SAV1: variants seen among roughly 807,000 people sequenced by gnomAD.
SAV1 encodes protein salvador homolog 1.
In SAV1, 23 loss-of-function variants were observed where a neutral mutation model predicts 47.3. The observed-to-expected ratio is 0.49, with a 90% CI of 0.35 to 0.69. The LOEUF is 0.69. SAV1 is among the 30% of genes least tolerant of loss of function. The probability of loss-of-function intolerance (pLI) is 0.01; values close to 1 mark genes in which losing one functional copy is unlikely to be tolerated. For synonymous variants in SAV1, 155 were observed against 159.2 expected (o/e 0.97, Z 0.20); for missense variants, 448 against 457.4 (o/e 0.98, Z 0.19).
At chr14:50,642,522 C>T (rs1353266344) in intron 3 of SAV1, among the ~76,000 whole-genome samples, 2 of 151,504 alleles carry the variant, frequency 1.3e-5, no homozygotes, top group East Asian at 3.9e-4. Context: ...GAAAAACTAC[C>T]TATCAGACAC....
chr14:50,644,270 G>C (rs930268840), intron 3 of SAV1, among the ~76,000 whole-genome samples: 1 of 152,184 alleles, frequency 6.6e-6, no homozygotes, highest in African/African-American at 2.4e-5. Flanking sequence ...ACAGAAATGG[G>C]ATGTTTTGTT....
intron 4 of SAV1, chr14:50,637,664 GTTTTTTTTTTT>G (rs373647297): frequency 1.7e-5 from 1 of 58,264 alleles, no homozygotes; most frequent in African/African-American, 4.3e-5. Context: ...AATTTTGTCA[GTTTTTTTTTTT>G]TTTTTTTTTT....
At chr14:50,635,950 G>A (rs1438614467) in intron 4 of SAV1, among the ~76,000 whole-genome samples, 2 of 151,958 alleles carry the variant, frequency 1.3e-5, no homozygotes, top group Non-Finnish European at 2.9e-5. Flanking sequence ...CTCGTTATTC[G>A]CCCACCTCAG....
chr14:50,667,124 C>G (rs1332425291), intron 1 of SAV1, among the ~76,000 whole-genome samples: 2 of 151,476 alleles, frequency 1.3e-5, no homozygotes, highest in African/African-American at 4.9e-5. Context: ...TCAAGAGATT[C>G]AACTCAAAAA....
Position 50,640,906 on chromosome 14 carries a change from G to A in SAV1, c.807-13C>T. The stretch of plus-strand genomic sequence containing the variant: ...ATACCGAGGTACACTAAGAAGAAAG[G>A]AGTGACATTCTTTAGGATAAAGGTC... On this transcript the variant is annotated splice_polypyrimidine_tract_variant and intron_variant, in intron 3 of 4. Transcript: ENST00000324679. 1.3e-6 allele frequency: 2 copies of A among 1,589,166 alleles called. No homozygotes were observed. Among genetic ancestry groups the A allele is most frequent in the African/African-American group, 1.3e-5 (1 of 74,198 alleles).
chr14:50,653,841 C>A lies in SAV1; in HGVS notation c.536-8827G>T, dbSNP rs150607910. Among the ~76,000 whole-genome samples the A allele has an allele frequency of 5.2e-3, 794 of 151,622 alleles. 1 individual carries two copies. Among genetic ancestry groups the A allele is most frequent in the Non-Finnish European group, 8.0e-3 (541 of 67,962 alleles). On this transcript the variant is annotated intron_variant, in intron 2 of 4. Coordinates refer to ENST00000324679, the MANE Select transcript of SAV1 (RefSeq NM_021818.4). Reference sequence around the variant, plus strand: ...CCGAGATCATGCCACTGCACTCCAACCTGGCAACAGAGTGAGACTCCATCT... The same window carrying A: ...CCGAGATCATGCCACTGCACTCCAAACTGGCAACAGAGTGAGACTCCATCT...
chr14:50,640,713 C>A, intron 4 of SAV1, 37 bp downstream of exon 4: 1 of 1,582,660 alleles, frequency 6.3e-7, no homozygotes, highest in Admixed American at 1.7e-5. Context: ...GCCCTTCACT[C>A]ACTCCTCAAA....
At chr14:50,662,290 T>G (rs1255355886) in intron 2 of SAV1, among the ~76,000 whole-genome samples, 2 of 152,180 alleles carry the variant, frequency 1.3e-5, no homozygotes, top group Non-Finnish European at 2.9e-5. Flanking sequence ...TGCCTCAGCC[T>G]CCCAAGTAGC....
chr14:50,660,361 C>T (rs957476397), intron 2 of SAV1, among the ~76,000 whole-genome samples: 4 of 152,216 alleles, frequency 2.6e-5, no homozygotes, highest in Admixed American at 2.0e-4. Context: ...TTCCCATCCT[C>T]CTTACTCAGC....
chr14:50,667,481 T>G (rs1395327787), intron 1 of SAV1: 4 of 458,774 alleles, frequency 8.7e-6, no homozygotes, highest in Admixed American at 7.0e-5. Flanking sequence ...TTTGCAAACA[T>G]GACGCACATC....
intron 2 of SAV1, among the ~76,000 whole-genome samples, chr14:50,656,068 CA>C (rs1433750236): frequency 6.6e-6 from 1 of 152,078 alleles, no homozygotes; most frequent in East Asian, 1.9e-4. Flanking sequence ...AAAAACTATA[CA>C]GGTTTAGAGC....
rs749473498 is a variant in SAV1 at position 50,634,830 on chromosome 14, CTTTT to C, written c.*349_*352del. 1 of 163,944 alleles carries C rather than the reference CTTTT, an allele frequency of 6.1e-6. No homozygotes were observed. Among genetic ancestry groups the C allele is most frequent in the African/African-American group, 2.5e-5 (1 of 39,962 alleles). The allele number at this position is 163,944 out of a possible 1,614,324, so 10.2% of individuals were successfully genotyped here. On this transcript the variant is annotated 3_prime_UTR_variant, in exon 5 of 5. Transcript: ENST00000324679. ...TTTTTTTAAAAAAATACCGCAGATT[CTTTT>C]TTTTTTTTAAAGAAGGTACTACTGC...
At chr14:50,658,211 C>T (rs2039829217) in intron 2 of SAV1, among the ~76,000 whole-genome samples, 1 of 152,216 alleles carries the variant, frequency 6.6e-6, no homozygotes, top group African/African-American at 2.4e-5. Flanking sequence ...CGAGTAACTG[C>T]AAATCCAGTA....
At chr14:50,665,012 T>G (rs1595654592) in intron 2 of SAV1, 167 bp downstream of exon 2, 2 of 826,520 alleles carry the variant, frequency 2.4e-6, no homozygotes, top group East Asian at 5.8e-5. Flanking sequence ...TTCCATTCAG[T>G]GTAGATTAAC....
intron 2 of SAV1, among the ~76,000 whole-genome samples, chr14:50,645,920 A>G (rs77486186): frequency 6.6e-6 from 1 of 152,214 alleles, no homozygotes; most frequent in Non-Finnish European, 1.5e-5. Flanking sequence ...ATAATTTATA[A>G]TAGCTCCAAA....
rs976945918 is a variant in SAV1 at position 50,634,057 on chromosome 14, G to T, written c.*1126C>A. On this transcript the variant is annotated 3_prime_UTR_variant, in exon 5 of 5. Transcript: ENST00000324679. ...GATTTAATGACCAAAAATTTTTTTTGAATCCCTGGTTGTCATTTTTGGTAG... is the reference window on the plus strand; with the variant it reads ...GATTTAATGACCAAAAATTTTTTTTTAATCCCTGGTTGTCATTTTTGGTAG... 3.5e-6 allele frequency: 1 copy of T among 282,638 alleles called. No homozygotes were observed. The highest frequency in any genetic ancestry group is 7.5e-6 in the Non-Finnish European group (1 of 133,392). 17.5% of individuals were successfully genotyped at this position (282,638 alleles called of 1,614,324 possible). A position where few individuals can be genotyped will look rare whatever the true frequency, so the allele number is the denominator to read the frequency against.
At chr14:50,639,771 ACT>A (rs1170489261) in intron 4 of SAV1, among the ~76,000 whole-genome samples, 1 of 152,140 alleles carries the variant, frequency 6.6e-6, no homozygotes, top group East Asian at 1.9e-4. Flanking sequence ...AGAAAGAATA[ACT>A]CTCCTCAACC....
intron 2 of SAV1, among the ~76,000 whole-genome samples, chr14:50,647,588 A>G (rs976847502): frequency 2.0e-5 from 3 of 152,206 alleles, no homozygotes; most frequent in Non-Finnish European, 2.9e-5. Flanking sequence ...ACAGAAGAAG[A>G]AAACAAAACG....
chr14:50,662,745 C>T (rs1486691740), intron 2 of SAV1: 1 of 152,188 alleles, frequency 6.6e-6, no homozygotes, highest in Non-Finnish European at 1.5e-5. Flanking sequence ...GTATTACAAG[C>T]TATCAGTGAC....
Sources: allele counts gnomAD v4.1 joint callset (sites outside exome capture counted in the v4.1 genomes callset), GRCh38; gene constraint gnomAD v4.1.1; transcripts MANE v1.5; gene names NCBI Gene and HGNC (gene_info 2026-07-23, HGNC 2026-07-21).